Variants in ENTPD1 observed in about 807,000 individuals in gnomAD.
The protein encoded by ENTPD1 is ectonucleoside triphosphate diphosphohydrolase 1, also known as ATP diphosphohydrolase.
In ENTPD1, 33 loss-of-function variants were observed where a neutral mutation model predicts 57.0. The observed-to-expected ratio is 0.58, with a 90% confidence interval of 0.44 to 0.77. The LOEUF is 0.77. Among genes scored for constraint, ENTPD1 ranks in the 30% least tolerant of loss-of-function variants. The pLI is 0.00. For missense variants in ENTPD1, 501 were observed against 603.4 expected (o/e 0.83, Z 1.78); for synonymous variants, 202 against 218.8 (o/e 0.92, Z 0.68).
At chr10:95,717,750 C>T (rs1288290833) in intron 1 of ENTPD1, among the ~76,000 whole-genome samples, 1 of 152,198 alleles carries the variant, frequency 6.6e-6, no homozygotes, top group Non-Finnish European at 1.5e-5. Context: ...CCGCTCTTAA[C>T]TGCTTCCTGC....
At chr10:95,732,773 G>GC (rs1300464835) in intron 1 of ENTPD1, among the ~76,000 whole-genome samples, 1 of 152,080 alleles carries the variant, frequency 6.6e-6, no homozygotes, top group East Asian at 1.9e-4. Flanking sequence ...GTTCCATGAT[G>GC]CCCCCCAAGC....
chr10:95,818,036 C>T (rs940311694), intron 1 of ENTPD1, among the ~76,000 whole-genome samples: 2 of 152,160 alleles, frequency 1.3e-5, no homozygotes, highest in African/African-American at 4.8e-5. Context: ...AGAGGTAGCA[C>T]ATGAAGAGAG....
intron 1 of ENTPD1, among the ~76,000 whole-genome samples, chr10:95,774,405 C>T (rs2098126176): frequency 6.6e-6 from 1 of 152,140 alleles, no homozygotes; most frequent in African/African-American, 2.4e-5. Flanking sequence ...AGTCTTTGCC[C>T]ATACCTATGT....
chr10:95,741,703 C>T (rs545861423), intron 1 of ENTPD1, among the ~76,000 whole-genome samples: 27 of 152,232 alleles, frequency 1.8e-4, no homozygotes, highest in African/African-American at 6.5e-4. Context: ...TTGCTTGGCA[C>T]TTATGAAAGT....
intron 1 of ENTPD1, among the ~76,000 whole-genome samples, chr10:95,716,378 A>G (rs1468769098): frequency 2.0e-5 from 3 of 152,062 alleles, no homozygotes; most frequent in Admixed American, 6.5e-5. Flanking sequence ...TTGTTCCTGC[A>G]TTGCTGTGGT....
At chr10:95,777,264 G>A (rs982273771) in intron 1 of ENTPD1, among the ~76,000 whole-genome samples, 1 of 152,138 alleles carries the variant, frequency 6.6e-6, no homozygotes, top group Non-Finnish European at 1.5e-5. Context: ...CCATCTTTGT[G>A]GTTTTAATCT....
At chr10:95,740,548 A>AAGCC (rs1215806958) in intron 1 of ENTPD1, among the ~76,000 whole-genome samples, 2 of 152,208 alleles carry the variant, frequency 1.3e-5, no homozygotes, top group African/African-American at 2.4e-5. Context: ...TGAAGATTTG[A>AAGCC]AGCCAGGTAT....
intron 1 of ENTPD1, among the ~76,000 whole-genome samples, chr10:95,817,896 C>T (rs1356529006): frequency 6.6e-6 from 1 of 152,200 alleles, no homozygotes; most frequent in African/African-American, 2.4e-5. Flanking sequence ...GAGCCTAGGG[C>T]AGGTCTAGTT....
At chr10:95,772,666 G>A (rs528598530) in intron 1 of ENTPD1, among the ~76,000 whole-genome samples, 123 of 152,238 alleles carry the variant, frequency 8.1e-4, no homozygotes, top group Non-Finnish European at 1.5e-3. Context: ...ATTCATGAGG[G>A]TTGGAGTCAA....
rs562335493 is a variant in ENTPD1 at position 95,769,398 on chromosome 10, C to T, written c.16+13143C>T. 7.2e-5 allele frequency among the ~76,000 whole-genome samples: 11 copies of T among 152,290 alleles called. No homozygotes were observed. In the East Asian group the frequency reaches 2.1e-3, roughly 29 times the overall value. ...GTGAAGAACATTCCACGCAGAGGAA[C>T]CAACATGTACAAAGTCCTGAGGAGA... On this transcript the variant is annotated intron_variant, in intron 1 of 9. Transcript: ENST00000371205.
chr10:95,723,781 C>T (rs1199320182), intron 1 of ENTPD1, among the ~76,000 whole-genome samples: 1 of 152,020 alleles, frequency 6.6e-6, no homozygotes, highest in African/African-American at 2.4e-5. Context: ...TCTAGTTGGC[C>T]CTCGGCTTCC....
At chr10:95,703,539 T>C in the ENTPD1 span, among the ~76,000 whole-genome samples, 10 of 152,102 alleles carry the variant, frequency 6.6e-5, no homozygotes, top group African/African-American at 2.4e-4. Context: ...CCAAGCACTT[T>C]GGGAGGCCAA....
upstream of ENTPD1, among the ~76,000 whole-genome samples, chr10:95,707,091 C>A (rs535063626): frequency 6.6e-6 from 1 of 152,178 alleles, no homozygotes; most frequent in Non-Finnish European, 1.5e-5. Flanking sequence ...TGGGAGCTCC[C>A]GCCCTGCCAA....
chr10:95,766,883 CTTT>C (rs377239129), intron 1 of ENTPD1, among the ~76,000 whole-genome samples: 2 of 142,750 alleles, frequency 1.4e-5, no homozygotes, highest in Non-Finnish European at 1.5e-5. Context: ...TTGTAGCAAT[CTTT>C]TTTTTTTTTT....
At chr10:95,830,751 T>C (rs1040765309) in intron 2 of ENTPD1, among the ~76,000 whole-genome samples, 9 of 151,914 alleles carry the variant, frequency 5.9e-5, no homozygotes, top group African/African-American at 2.2e-4. Flanking sequence ...TGCAGTGAGC[T>C]GAGATCACGC....
At position 95,852,188 on chromosome 10, in the gene ENTPD1, G is replaced by A. The variant is rs934058804; in HGVS notation, c.1074+4482G>A. 1.8e-4 allele frequency among the ~76,000 whole-genome samples: 28 copies of A among 152,236 alleles called. No homozygotes were observed. The East Asian group carries it at 5.2e-3, about 28-fold the overall frequency. Reference sequence around the variant, plus strand: ...CATTTCTCTGATGGCCAGTGATGATGAGCATTTTTTCATGTATCTGTTGGC... The same window carrying A: ...CATTTCTCTGATGGCCAGTGATGATAAGCATTTTTTCATGTATCTGTTGGC... On this transcript the variant is annotated intron_variant, in intron 7 of 9. Coordinates refer to ENST00000371205, the MANE Select transcript of ENTPD1 (RefSeq NM_001776.6).
chr10:95,711,976 T>C (rs768729386), exon 1 of ENTPD1: 2 of 1,613,678 alleles, frequency 1.2e-6, no homozygotes, highest in Non-Finnish European at 1.7e-6. Flanking sequence ...ACCAAGGACC[T>C]GACAAGCCAG....
intron 1 of ENTPD1, among the ~76,000 whole-genome samples, chr10:95,737,602 G>T (rs531269546): frequency 6.6e-6 from 1 of 152,114 alleles, no homozygotes; most frequent in South Asian, 2.1e-4. Flanking sequence ...GTCCAGGATG[G>T]TCTCAAACTC....
chr10:95,787,702 A>T (rs1286937249), intron 1 of ENTPD1, among the ~76,000 whole-genome samples: 1 of 152,204 alleles, frequency 6.6e-6, no homozygotes, highest in Non-Finnish European at 1.5e-5. Flanking sequence ...TATGTAAATT[A>T]TTATTGTTTA....
Sources: allele counts gnomAD v4.1 joint callset (sites outside exome capture counted in the v4.1 genomes callset), GRCh38; gene constraint gnomAD v4.1.1; transcripts MANE v1.5; gene names NCBI Gene and HGNC (gene_info 2026-07-23, HGNC 2026-07-21).